The following DGKB variants were observed in gnomAD, a reference collection of about 807,000 sequenced individuals.
The protein encoded by DGKB is diacylglycerol kinase beta.
In DGKB, 67 loss-of-function variants were observed where a neutral mutation model predicts 114.3. The observed-to-expected ratio is 0.59, with a 90% confidence interval of 0.48 to 0.72. The LOEUF is 0.72. Among genes scored for constraint, DGKB ranks in the 30% least tolerant of loss-of-function variants. DGKB has a pLI of 0.00. For synonymous variants in DGKB, 398 were observed against 323.1 expected, an observed-to-expected ratio of 1.23 and a Z score of -2.49; for missense variants, 907 against 975.2, an observed-to-expected ratio of 0.93 and a Z score of 0.93.
intron 25 of DGKB, among the ~76,000 whole-genome samples, chr7:14,170,145 AAAAGAAAGAAAGAAAGAAAG>A (rs58897814): frequency 0.048 from 4,761 of 99,984 alleles, 386 homozygotes; most frequent in African/African-American, 0.13. Context: ...AAAAAAAAAA[AAAAGAAAGAAAGAAAGAAAG>A]AAAGAAAGAA....
At chr7:14,507,687 C>A (rs1787308934) in intron 20 of DGKB, among the ~76,000 whole-genome samples, 1 of 152,172 alleles carries the variant, frequency 6.6e-6, no homozygotes, top group Non-Finnish European at 1.5e-5. Context: ...AGGCTTTCCT[C>A]ATTAGTATGC....
intron 13 of DGKB, among the ~76,000 whole-genome samples, chr7:14,659,692 A>C (rs1816625754): frequency 6.8e-6 from 1 of 147,718 alleles, no homozygotes; most frequent in Non-Finnish European, 1.5e-5. Flanking sequence ...GGACAATTTG[A>C]CTTCCTCTTT....
intron 21 of DGKB, among the ~76,000 whole-genome samples, chr7:14,475,713 T>G (rs777574477): frequency 6.6e-6 from 1 of 152,106 alleles, no homozygotes; most frequent in Non-Finnish European, 1.5e-5. Flanking sequence ...CAAAGAAGTT[T>G]TAATACAGTT....
At chr7:14,338,462 C>A (rs1176332312) in intron 23 of DGKB, 53 bp downstream of exon 23, 2 of 1,130,398 alleles carry the variant, frequency 1.8e-6, no homozygotes, top group South Asian at 4.0e-5. Flanking sequence ...TTTAAAGAAG[C>A]CTTTGAAAAC....
chr7:14,719,338 T>A (rs376364627), intron 5 of DGKB, among the ~76,000 whole-genome samples: 1 of 152,210 alleles, frequency 6.6e-6, no homozygotes. Flanking sequence ...AAACCCATTA[T>A]CTGTGTCTGT....
At chr7:14,888,020 C>A (rs955963908) in intron 1 of DGKB, among the ~76,000 whole-genome samples, 22 of 151,554 alleles carry the variant, frequency 1.5e-4, no homozygotes, top group Non-Finnish European at 1.5e-5. Context: ...TTTTTGGCTG[C>A]TTGAATAAGT....
intron 23 of DGKB, among the ~76,000 whole-genome samples, chr7:14,319,641 T>G (rs1807351344): frequency 6.6e-6 from 1 of 152,148 alleles, no homozygotes; most frequent in Middle Eastern, 3.2e-3. Flanking sequence ...ACTCTTTGGC[T>G]AATTGGGCTA....
intron 2 of DGKB, among the ~76,000 whole-genome samples, chr7:14,827,525 A>T (rs1845862960): frequency 6.6e-6 from 1 of 152,122 alleles, no homozygotes; most frequent in Non-Finnish European, 1.5e-5. Flanking sequence ...CTACTCTTTG[A>T]AAATGCTGTT....
chr7:14,713,412 AC>A (rs1827680924), intron 6 of DGKB, among the ~76,000 whole-genome samples: 1 of 134,286 alleles, frequency 7.4e-6, no homozygotes, highest in Non-Finnish European at 1.7e-5. Flanking sequence ...GATTTAATAA[AC>A]TTTAAAAGCA....
chr7:14,647,821 G>A (rs538198975), intron 13 of DGKB, among the ~76,000 whole-genome samples: 2 of 152,348 alleles, frequency 1.3e-5, no homozygotes, highest in Admixed American at 1.3e-4. Context: ...GCGAGGCATT[G>A]CCTCACTTGG....
intron 23 of DGKB, among the ~76,000 whole-genome samples, chr7:14,331,006 T>C (rs1007077056): frequency 3.3e-5 from 5 of 152,008 alleles, no homozygotes; most frequent in South Asian, 2.1e-4. Flanking sequence ...AAAAAAATCT[T>C]AGTGCCATCA....
intron 21 of DGKB, among the ~76,000 whole-genome samples, chr7:14,378,450 C>T (rs1818845614): frequency 6.6e-6 from 1 of 152,128 alleles, no homozygotes; most frequent in Admixed American, 6.5e-5. Flanking sequence ...TTCAGTTTAT[C>T]TATGGAACAT....
chr7:14,278,848 T>A (rs1327175215), intron 23 of DGKB, among the ~76,000 whole-genome samples: 1 of 152,194 alleles, frequency 6.6e-6, no homozygotes, highest in African/African-American at 2.4e-5. Flanking sequence ...AAATGTTTAT[T>A]ATTTTAAGAA....
chr7:14,614,855 G>A (rs188842187), intron 15 of DGKB, among the ~76,000 whole-genome samples: 1 of 152,154 alleles, frequency 6.6e-6, no homozygotes, highest in East Asian at 1.9e-4. Flanking sequence ...CAATTCAGCT[G>A]GGAGAAGGAT....
At chr7:14,912,497 C>T (rs142639228) in intron 1 of DGKB, among the ~76,000 whole-genome samples, 134 of 152,108 alleles carry the variant, frequency 8.8e-4, no homozygotes, top group Admixed American at 1.5e-3. Context: ...AGGTAGAATG[C>T]GCTGGAACAA....
At chr7:14,723,643 A>G (rs1021953437) in intron 5 of DGKB, among the ~76,000 whole-genome samples, 1 of 152,000 alleles carries the variant, frequency 6.6e-6, no homozygotes, top group African/African-American at 2.4e-5. Flanking sequence ...TACAAAATAA[A>G]GTGAAAAGTA....
Position 14,940,355 on chromosome 7 carries a change from T to TC in DGKB, c.-188+34340_-188+34341insG, listed in dbSNP as rs1346858845. Among the ~76,000 whole-genome samples the TC allele has an allele frequency of 2.0e-4, 31 of 151,722 alleles. No individual in the cohort carries two copies. In the East Asian group the frequency reaches 2.5e-3, roughly 12 times the overall value. ...AGAGTCTTCAAGCCTTTTTTTTTTT[T>TC]TAATTTCTACAAGTTTTTATTGACA... On this transcript the variant is annotated intron_variant, in intron 1 of 4. Coordinates refer to the DGKB transcript ENST00000437998.
At chr7:14,260,283 A>ATAAAG (rs1195178891) in intron 23 of DGKB, among the ~76,000 whole-genome samples, 1 of 152,232 alleles carries the variant, frequency 6.6e-6, no homozygotes, top group African/African-American at 2.4e-5. Context: ...ATGAAAATTC[A>ATAAAG]TAAAGTATAT....
chr7:14,240,093 C>A (rs191546699), intron 23 of DGKB, among the ~76,000 whole-genome samples: 214 of 152,156 alleles, frequency 1.4e-3, no homozygotes, highest in Non-Finnish European at 6.0e-4. Context: ...CATAGAGGCA[C>A]ATATATGTTC....
Sources: allele counts gnomAD v4.1 joint callset (sites outside exome capture counted in the v4.1 genomes callset), GRCh38; gene constraint gnomAD v4.1.1; transcripts MANE v1.5; gene names NCBI Gene and HGNC (gene_info 2026-07-23, HGNC 2026-07-21).